Variants in KIAA0586 observed in about 807,000 individuals in gnomAD.
The protein encoded by KIAA0586 is KIAA0586, also known as protein TALPID3.
Under a neutral mutation model 169.8 loss-of-function variants are expected in KIAA0586, and 144 were observed. The observed-to-expected ratio is 0.85, with a 90% confidence interval of 0.74 to 0.97. KIAA0586 has a LOEUF of 0.97. KIAA0586 is among the 50% of genes least tolerant of loss of function. The probability of loss-of-function intolerance (pLI) is 0.00; values close to 1 mark genes in which losing one functional copy is unlikely to be tolerated. For synonymous variants in KIAA0586, 625 were observed against 612.4 expected, an observed-to-expected ratio of 1.02 and a Z score of -0.30; for missense variants, 1,854 against 1,823.0, an observed-to-expected ratio of 1.02 and a Z score of -0.31.
intron 29 of KIAA0586, 60 bp downstream of exon 29, chr14:58,512,687 A>G: frequency 1.1e-6 from 1 of 936,334 alleles, no homozygotes; most frequent in Admixed American, 3.5e-5. Flanking sequence ...TATTGAACAA[A>G]TATGAGAATT....
chr14:58,460,130 A>G, intron 13 of KIAA0586, 60 bp downstream of exon 13: 2 of 1,004,616 alleles, frequency 2.0e-6, no homozygotes, highest in Non-Finnish European at 2.9e-6. Context: ...CATTTCCTTT[A>G]AGAGATAAAT....
intron 29 of KIAA0586, among the ~76,000 whole-genome samples, chr14:58,514,590 C>T (rs2044621268): frequency 6.6e-6 from 1 of 151,974 alleles, no homozygotes; most frequent in Non-Finnish European, 1.5e-5. Flanking sequence ...ACACAGATTC[C>T]AGCACCATAT....
In KIAA0586 at chr14:58,521,767, A is replaced by G. The variant is rs1166038785; in HGVS notation, c.4429+9140A>G. On this transcript the variant is annotated intron_variant, in intron 29 of 30. Coordinates refer to ENST00000652326, the MANE Select transcript of KIAA0586 (RefSeq NM_001329943.3). The stretch of plus-strand genomic sequence containing the variant: ...AAACAAGCAGTAGAGATGAAGGATG[A>G]TAAGTCGGAAGAGGAGCAGAGCAGT... The G allele has an allele frequency of 2.4e-5, 19 of 806,574 alleles. 1 individual carries two copies. The highest frequency in any genetic ancestry group is 1.7e-4 in the South Asian group (13 of 75,142). 50.0% of individuals were successfully genotyped at this position (806,574 alleles called of 1,614,324 possible).
chr14:58,531,415 T>C (rs2045962894), intron 29 of KIAA0586, among the ~76,000 whole-genome samples: 1 of 152,000 alleles, frequency 6.6e-6, no homozygotes, highest in South Asian at 2.1e-4. Flanking sequence ...GACATTTATG[T>C]GGCCAACAAA....
intron 16 of KIAA0586, among the ~76,000 whole-genome samples, chr14:58,468,869 G>C (rs538629580): frequency 6.6e-6 from 1 of 152,154 alleles, no homozygotes; most frequent in South Asian, 2.1e-4. Flanking sequence ...CTGCTCCAAG[G>C]TTCCTCTTTT....
intron 26 of KIAA0586, among the ~76,000 whole-genome samples, chr14:58,495,282 G>A (rs183759463): frequency 5.1e-4 from 77 of 152,140 alleles, no homozygotes; most frequent in Middle Eastern, 6.8e-3. Flanking sequence ...GTGTATGTGT[G>A]TGTGTGTGTG....
In KIAA0586 at chr14:58,458,551, T is replaced by C. The variant is rs2040060149; in HGVS notation, c.1656+6T>C. 1 of 1,503,428 alleles carries C rather than the reference T, an allele frequency of 6.7e-7. No individual in the cohort carries two copies. The highest frequency in any genetic ancestry group is 9.0e-7 in the Non-Finnish European group (1 of 1,113,658). The allele number at this position is 1,503,428 out of a possible 1,614,324, so 93.1% of individuals were successfully genotyped here. ...CTATTTCTGCAGAAATTCAGGTATG[T>C]CTTGGAAAAAAACTGAAAATTAAGT... On this transcript the variant is annotated splice_donor_region_variant and intron_variant, in intron 12 of 30. Transcript: ENST00000652326.
chr14:58,496,058 G>T (rs1365748284), intron 26 of KIAA0586, among the ~76,000 whole-genome samples: 1 of 152,074 alleles, frequency 6.6e-6, no homozygotes, highest in African/African-American at 2.4e-5. Context: ...TAGTAATATT[G>T]ATACATTATA....
chr14:58,509,057 C>T (rs2044203705), intron 28 of KIAA0586, among the ~76,000 whole-genome samples: 1 of 151,986 alleles, frequency 6.6e-6, no homozygotes, highest in African/African-American at 2.4e-5. Flanking sequence ...GGCAAAATGC[C>T]ATCTCTACAA....
chr14:58,492,829 A>G (rs964967167), intron 26 of KIAA0586, among the ~76,000 whole-genome samples: 1 of 152,242 alleles, frequency 6.6e-6, no homozygotes, highest in African/African-American at 2.4e-5. Flanking sequence ...TCAGAAGCAG[A>G]AATACCATTT....
chr14:58,446,422 G>A (rs1337830235), intron 6 of KIAA0586, among the ~76,000 whole-genome samples: 3 of 151,784 alleles, frequency 2.0e-5, no homozygotes, highest in South Asian at 2.1e-4. Flanking sequence ...ACTTGAATCC[G>A]GAAGGCAGAG....
intron 20 of KIAA0586, among the ~76,000 whole-genome samples, chr14:58,477,939 T>A (rs2041771275): frequency 1.3e-5 from 2 of 152,060 alleles, no homozygotes; most frequent in Non-Finnish European, 2.9e-5. Context: ...TTCCACCTCC[T>A]CCTTGTTTTT....
chr14:58,509,022 A>G (rs1289839469), intron 28 of KIAA0586, among the ~76,000 whole-genome samples: 3 of 152,142 alleles, frequency 2.0e-5, no homozygotes, highest in Non-Finnish European at 4.4e-5. Flanking sequence ...TGAGTCCAGG[A>G]GTTTCAGACC....
At chr14:58,506,998 A>G (rs1488398540) in intron 27 of KIAA0586, among the ~76,000 whole-genome samples, 1 of 151,870 alleles carries the variant, frequency 6.6e-6, no homozygotes, top group Non-Finnish European at 1.5e-5. Context: ...AATACAAAAA[A>G]TTATCCAAGT....
intron 21 of KIAA0586, 49 bp downstream of exon 21, chr14:58,482,761 AT>A: frequency 7.9e-7 from 1 of 1,267,268 alleles, no homozygotes; most frequent in South Asian, 1.5e-5. Flanking sequence ...AAATAGATGA[AT>A]TTTAAGCTGC....
chr14:58,499,440 G>A (rs932817429), intron 27 of KIAA0586, among the ~76,000 whole-genome samples: 3 of 151,798 alleles, frequency 2.0e-5, no homozygotes, highest in African/African-American at 7.3e-5. Context: ...TTTTAGTAGA[G>A]ATGGGGTTTC....
At chr14:58,484,902 A>ATTTATATATATATATT (rs1269889812) in intron 21 of KIAA0586, among the ~76,000 whole-genome samples, 2 of 12,480 alleles carry the variant, frequency 1.6e-4, no homozygotes, top group Non-Finnish European at 2.8e-4. Flanking sequence ...ATATATATAT[A>ATTTATATATATATATT]TATATATATA....
chr14:58,524,285 A>T (rs2045422712), intron 29 of KIAA0586, among the ~76,000 whole-genome samples: 1 of 152,250 alleles, frequency 6.6e-6, no homozygotes, highest in Admixed American at 6.5e-5. Flanking sequence ...AAACTAAAAT[A>T]AATTAATAAA....
intron 4 of KIAA0586, 56 bp downstream of exon 4, chr14:58,432,513 T>A: frequency 1.0e-6 from 1 of 956,500 alleles, no homozygotes; most frequent in Non-Finnish European, 1.6e-6. Context: ...TCAGCTTCAT[T>A]TGTACTTTGG....
Sources: gnomAD v4.1 joint callset for allele counts (sites outside exome capture counted in the v4.1 genomes callset) on GRCh38, gnomAD v4.1.1 for gene constraint, MANE v1.5 for transcripts, NCBI Gene and HGNC (gene_info 2026-07-23, HGNC 2026-07-21) for gene names.